CSRNP3: variants seen among roughly 807,000 people sequenced by gnomAD.
The protein encoded by CSRNP3 is cysteine and serine rich nuclear protein 3.
CSRNP3 carries 12 observed loss-of-function variants against 48.0 expected under a neutral mutation model. That is an observed-to-expected ratio of 0.25 (90% CI 0.16 to 0.41). CSRNP3 has a LOEUF of 0.41. Among genes scored for constraint, CSRNP3 ranks in the 10% least tolerant of loss-of-function variants. The probability of loss-of-function intolerance (pLI) is 1.00; values close to 1 mark genes in which losing one functional copy is unlikely to be tolerated. For missense variants in CSRNP3, 580 were observed against 724.4 expected, an observed-to-expected ratio of 0.80 and a Z score of 2.29; for synonymous variants, 263 against 269.7, an observed-to-expected ratio of 0.98 and a Z score of 0.24.
Position 165,687,596 on chromosome 2 carries a change from A to G in CSRNP3, c.*7843A>G, listed in dbSNP as rs1687650980. ...CTGTGGGAGATAGGAATAGTTGTGA[A>G]GAGTCTGATGGAATAAAATGACTCC... On this transcript the variant is annotated 3_prime_UTR_variant, in exon 7 of 7. Transcript: ENST00000651982. 6.6e-6 allele frequency: 1 copy of G among 152,144 alleles called. No individual in the cohort carries two copies. The highest frequency in any genetic ancestry group is 2.1e-4 in the South Asian group (1 of 4,828). The allele number at this position is 152,144 out of a possible 1,614,324, so 9.4% of individuals were successfully genotyped here. A position where few individuals can be genotyped will look rare whatever the true frequency, so the allele number is the denominator to read the frequency against.
chr2:165,566,979 A>G (rs1685305803), intron 3 of CSRNP3: 1 of 152,128 alleles, frequency 6.6e-6, no homozygotes, highest in Non-Finnish European at 1.5e-5. Context: ...TGCTCATTCT[A>G]TTAGCCAAGT....
chr2:165,603,493 T>A (rs1190087846), intron 4 of CSRNP3, among the ~76,000 whole-genome samples: 1 of 152,096 alleles, frequency 6.6e-6, no homozygotes, highest in Non-Finnish European at 1.5e-5. Flanking sequence ...CAAATTCAGA[T>A]CATAACCTCT....
chr2:165,608,162 T>C (rs558490086), intron 4 of CSRNP3, among the ~76,000 whole-genome samples: 57 of 151,814 alleles, frequency 3.8e-4, no homozygotes, highest in Non-Finnish European at 5.4e-4. Context: ...TGAATTATTT[T>C]ATTGGATTTT....
chr2:165,481,054 T>C (rs2105448650), intron 1 of CSRNP3, among the ~76,000 whole-genome samples: 1 of 151,918 alleles, frequency 6.6e-6, no homozygotes, highest in Admixed American at 6.6e-5. Flanking sequence ...TAACAAATAC[T>C]TAAAAATAAA....
chr2:165,553,519 C>A (rs559912636), intron 3 of CSRNP3, among the ~76,000 whole-genome samples: 1 of 152,270 alleles, frequency 6.6e-6, no homozygotes, highest in Admixed American at 6.5e-5. Flanking sequence ...TAGGTGGTAG[C>A]CACCAATTCT....
chr2:165,685,525 A>G lies in CSRNP3; in HGVS notation c.*5772A>G, dbSNP rs1380120000. 1.3e-5 allele frequency: 2 copies of G among 152,092 alleles called. No individual in the cohort carries two copies. The highest frequency in any genetic ancestry group is 2.9e-5 in the Non-Finnish European group (2 of 67,978). 9.4% of individuals were successfully genotyped at this position (152,092 alleles called of 1,614,324 possible). A position where few individuals can be genotyped will look rare whatever the true frequency, so the allele number is the denominator to read the frequency against. On this transcript the variant is annotated 3_prime_UTR_variant, in exon 7 of 7. Transcript: ENST00000651982. The stretch of plus-strand genomic sequence containing the variant: ...AAACAATATGTTTCAGTTTACTTTT[A>G]TATGTAGATTTTTTAAATATTCACA...
chr2:165,604,808 A>T lies in CSRNP3; in HGVS notation c.148+9595A>T, dbSNP rs1011623936. On this transcript the variant is annotated intron_variant, in intron 4 of 6. Coordinates refer to ENST00000651982, the MANE Select transcript of CSRNP3 (RefSeq NM_001172173.2). ...GTCAGGTCACTAACATCATATAAAT[A>T]CAGTTCATTTAGTTCTTGTTTGATT... 2.6e-5 allele frequency among the ~76,000 whole-genome samples: 4 copies of T among 152,248 alleles called. No individual in the cohort carries two copies. In the East Asian group the frequency reaches 5.8e-4, roughly 22 times the overall value.
rs183402975 is a variant in CSRNP3 at position 165,471,156 on chromosome 2, G to A, written c.-283+1416G>A. ...GAGAATTACCTTAAATTTCCTAAAA[G>A]TACTAAATATAGTTAATAACATGTT... On this transcript the variant is annotated intron_variant, in intron 1 of 6. Coordinates refer to ENST00000651982, the MANE Select transcript of CSRNP3 (RefSeq NM_001172173.2). 6.6e-5 allele frequency among the ~76,000 whole-genome samples: 10 copies of A among 152,002 alleles called. No individual in the cohort carries two copies. In the South Asian group the frequency reaches 2.1e-3, roughly 32 times the overall value.
intron 3 of CSRNP3, among the ~76,000 whole-genome samples, chr2:165,542,299 T>C (rs1684968053): frequency 1.3e-5 from 2 of 152,124 alleles, no homozygotes; most frequent in African/African-American, 4.8e-5. Context: ...GAAAGAAAAA[T>C]GCCCATACAC....
chr2:165,518,511 T>G (rs1036155119), intron 3 of CSRNP3, among the ~76,000 whole-genome samples: 7 of 152,002 alleles, frequency 4.6e-5, no homozygotes, highest in Admixed American at 4.6e-4. Flanking sequence ...TTTTCTAAGT[T>G]GTTTAGGATG....
chr2:165,582,433 G>C (rs367782023), intron 3 of CSRNP3, among the ~76,000 whole-genome samples: 100 of 152,308 alleles, frequency 6.6e-4, no homozygotes, highest in African/African-American at 2.4e-3. Flanking sequence ...GATGAGGCCA[G>C]TTTTGGGTGG....
chr2:165,573,011 G>T (rs1359049952), intron 3 of CSRNP3, among the ~76,000 whole-genome samples: 2 of 151,956 alleles, frequency 1.3e-5, no homozygotes, highest in African/African-American at 2.4e-5. Flanking sequence ...TTCAAAATTT[G>T]TTGATGTGTG....
chr2:165,666,028 A>G (rs1382978674), intron 5 of CSRNP3, among the ~76,000 whole-genome samples: 2 of 86,070 alleles, frequency 2.3e-5, no homozygotes, highest in East Asian at 3.0e-4. Context: ...AAAGAGAGAG[A>G]GAGGAAGGGA....
At chr2:165,517,620 T>C (rs1297101962) in intron 2 of CSRNP3, among the ~76,000 whole-genome samples, 1 of 151,952 alleles carries the variant, frequency 6.6e-6, no homozygotes, top group African/African-American at 2.4e-5. Flanking sequence ...TATTTGTTGA[T>C]TGAAAACCAG....
At chr2:165,527,716 G>T (rs1684756339) in intron 3 of CSRNP3, among the ~76,000 whole-genome samples, 1 of 152,066 alleles carries the variant, frequency 6.6e-6, no homozygotes, top group African/African-American at 2.4e-5. Flanking sequence ...AGTAGGTATA[G>T]AATATGAAGG....
chr2:165,518,029 C>G (rs1574816442), intron 3 of CSRNP3, 68 bp downstream of exon 3: 1 of 152,244 alleles, frequency 6.6e-6, no homozygotes, highest in African/African-American at 2.4e-5. Context: ...GCATCTGTTT[C>G]AAGTTTCTAA....
chr2:165,606,095 A>T (rs1409746156), intron 4 of CSRNP3, among the ~76,000 whole-genome samples: 1 of 152,004 alleles, frequency 6.6e-6, no homozygotes, highest in Non-Finnish European at 1.5e-5. Flanking sequence ...ATTCCCAATG[A>T]ACTAAAAATC....
chr2:165,525,470 C>CT (rs997025528), intron 3 of CSRNP3, among the ~76,000 whole-genome samples: 2 of 147,574 alleles, frequency 1.4e-5, no homozygotes, highest in Admixed American at 6.7e-5. Flanking sequence ...TTATATATTT[C>CT]TTTTTTTTCT....
chr2:165,597,956 A>C (rs1685839937), intron 4 of CSRNP3, among the ~76,000 whole-genome samples: 1 of 152,170 alleles, frequency 6.6e-6, no homozygotes, highest in South Asian at 2.1e-4. Context: ...GTTGCAGTAC[A>C]GATTGTAGGC....
Sources: gnomAD v4.1 joint callset for allele counts (sites outside exome capture counted in the v4.1 genomes callset) on GRCh38, gnomAD v4.1.1 for gene constraint, MANE v1.5 for transcripts, NCBI Gene and HGNC (gene_info 2026-07-23, HGNC 2026-07-21) for gene names.